Variants in ZC3H12B observed in about 807,000 individuals in gnomAD.
ZC3H12B encodes probable ribonuclease ZC3H12B.
In ZC3H12B, 7 loss-of-function variants were observed where a neutral mutation model predicts 43.9. The observed-to-expected ratio is 0.16, with a 90% confidence interval of 0.09 to 0.30. ZC3H12B has a LOEUF of 0.30. Ranked by LOEUF, ZC3H12B falls within the 10% of genes least tolerant of loss-of-function variation. The probability of loss-of-function intolerance (pLI) is 1.00; values close to 1 mark genes in which losing one functional copy is unlikely to be tolerated. For synonymous variants in ZC3H12B, 222 were observed against 241.7 expected (o/e 0.92, Z 0.76); for missense variants, 475 against 670.2 (o/e 0.71, Z 3.22).
chrX:65,211,720 A>T, the ZC3H12B span, among the ~76,000 whole-genome samples: 3 of 87,576 alleles, frequency 3.4e-5, no homozygotes, highest in Non-Finnish European at 6.4e-5. Context: ...TATATTATAT[A>T]TTTTTATGTA....
the ZC3H12B span, among the ~76,000 whole-genome samples, chrX:65,254,685 C>T: frequency 2.7e-5 from 3 of 112,134 alleles, no homozygotes; most frequent in Admixed American, 9.4e-5. Context: ...GCACAAGATG[C>T]TGAGCAATGA....
intron 2 of ZC3H12B, among the ~76,000 whole-genome samples, chrX:65,392,478 G>T (rs1338187936): frequency 4.2e-3 from 3 of 721 alleles, no homozygotes; most frequent in Non-Finnish European, 9.5e-3. Flanking sequence ...GAAGTGAGGA[G>T]TGTCTCCAAC....
chrX:65,299,092 C>G, the ZC3H12B span, among the ~76,000 whole-genome samples: 1 of 111,594 alleles, frequency 9.0e-6, no homozygotes, highest in Non-Finnish European at 1.9e-5. Context: ...CAAAGCCTAA[C>G]CATATCAACA....
At chrX:65,211,582 A>G in the ZC3H12B span, among the ~76,000 whole-genome samples, 9 of 100,104 alleles carry the variant, frequency 9.0e-5, no homozygotes, top group African/African-American at 3.3e-4. Flanking sequence ...TCATACATCT[A>G]GTAATTGATA....
the ZC3H12B span, among the ~76,000 whole-genome samples, chrX:65,136,234 G>T: frequency 9.0e-6 from 1 of 111,544 alleles, no homozygotes; most frequent in African/African-American, 3.3e-5. Context: ...CTAGGTGGAG[G>T]TAATAGTCCA....
At chrX:65,102,259 C>G in the ZC3H12B span, among the ~76,000 whole-genome samples, 1 of 111,842 alleles carries the variant, frequency 8.9e-6, no homozygotes, top group South Asian at 3.7e-4. Context: ...CTATTTATGA[C>G]AAACCCATAG....
At chrX:65,175,707 C>G in the ZC3H12B span, among the ~76,000 whole-genome samples, 1 of 111,677 alleles carries the variant, frequency 9.0e-6, no homozygotes, top group African/African-American at 3.3e-5. Flanking sequence ...ACTGGTTGCA[C>G]AGTGAGTGCA....
chrX:65,277,488 A>G, the ZC3H12B span, among the ~76,000 whole-genome samples: 2 of 112,172 alleles, frequency 1.8e-5, no homozygotes, highest in East Asian at 5.5e-4. Flanking sequence ...TTCAAAAAAA[A>G]TTTAAAAAAT....
the ZC3H12B span, among the ~76,000 whole-genome samples, chrX:65,135,700 ATT>A: frequency 3.1e-5 from 2 of 64,140 alleles, no homozygotes; most frequent in South Asian, 1.3e-3. Context: ...TTGGTTAGAT[ATT>A]TTTTTTTTTT....
At chrX:65,161,985 T>A in the ZC3H12B span, among the ~76,000 whole-genome samples, 1 of 111,725 alleles carries the variant, frequency 9.0e-6, no homozygotes, top group Non-Finnish European at 1.9e-5. Context: ...CTCTCAGCAT[T>A]TACTTGTCTG....
At chrX:65,452,841 AACACACACAC>A (rs111853414) in intron 3 of ZC3H12B, among the ~76,000 whole-genome samples, 44 of 92,245 alleles carry the variant, frequency 4.8e-4, no homozygotes, top group South Asian at 1.5e-3. Context: ...ACTCCATCTA[AACACACACAC>A]ACACACACAC....
intron 3 of ZC3H12B, among the ~76,000 whole-genome samples, chrX:65,403,854 TTAA>T (rs1200085145): frequency 9.0e-6 from 1 of 111,435 alleles, no homozygotes; most frequent in Non-Finnish European, 1.9e-5. Flanking sequence ...GAAAAAGACA[TTAA>T]TGAGAAACAA....
the ZC3H12B span, among the ~76,000 whole-genome samples, chrX:65,061,497 C>G: frequency 8.9e-6 from 1 of 112,351 alleles, no homozygotes; most frequent in Admixed American, 9.4e-5. Flanking sequence ...GACATGAACT[C>G]ATTCTTTTTT....
the ZC3H12B span, among the ~76,000 whole-genome samples, chrX:65,264,972 G>T: frequency 9.0e-6 from 1 of 111,667 alleles, no homozygotes; most frequent in Non-Finnish European, 1.9e-5. Flanking sequence ...ATTTAGGGAG[G>T]AGAAATAGTC....
chrX:65,252,214 T>C, the ZC3H12B span, among the ~76,000 whole-genome samples: 2 of 111,743 alleles, frequency 1.8e-5, no homozygotes, highest in African/African-American at 6.5e-5. Flanking sequence ...TTGTCTTTGG[T>C]TCTGTTTATA....
chrX:65,162,086 G>A, the ZC3H12B span, among the ~76,000 whole-genome samples: 13 of 111,319 alleles, frequency 1.2e-4, no homozygotes, highest in Non-Finnish European at 2.3e-4. Flanking sequence ...AGAATGTTGA[G>A]TATTGGCCCC....
chrX:65,473,170 C>T (rs764912195), intron 3 of ZC3H12B, among the ~76,000 whole-genome samples: 4 of 106,719 alleles, frequency 3.7e-5, no homozygotes, highest in African/African-American at 6.9e-5. Context: ...CATGCCACCA[C>T]ACCCAGCTAA....
intron 2 of ZC3H12B, among the ~76,000 whole-genome samples, chrX:65,372,616 G>A (rs1449074454): frequency 1.9e-5 from 2 of 106,643 alleles, no homozygotes; most frequent in East Asian, 5.9e-4. Context: ...ACAGGAGAGA[G>A]GGAGAGAGGA....
intron 3 of ZC3H12B, among the ~76,000 whole-genome samples, chrX:65,413,757 T>A (rs910999288): frequency 1.7e-4 from 19 of 112,035 alleles, no homozygotes; most frequent in East Asian, 8.4e-4. Flanking sequence ...TTTTTTTGTG[T>A]GTGGCTATTT....
Sources: gnomAD v4.1 joint callset for allele counts (sites outside exome capture counted in the v4.1 genomes callset) on GRCh38, gnomAD v4.1.1 for gene constraint, MANE v1.5 for transcripts, NCBI Gene and HGNC (gene_info 2026-07-23, HGNC 2026-07-21) for gene names.